BMP2K: variants seen among roughly 807,000 people sequenced by gnomAD.
BMP2K encodes the protein BMP-2-inducible protein kinase.
BMP2K carries 74 observed loss-of-function variants against 116.0 expected under a neutral mutation model. That is an observed-to-expected ratio of 0.64 (90% CI 0.53 to 0.77). The LOEUF is 0.77. BMP2K is among the 30% of genes least tolerant of loss of function. BMP2K has a pLI of 0.00. For missense variants in BMP2K, 1,365 were observed against 1,403.6 expected (o/e 0.97, Z 0.44); for synonymous variants, 486 against 502.5 (o/e 0.97, Z 0.44).
chr4:78,790,403 T>TAGTTAGAA (rs535124908), intron 1 of BMP2K, among the ~76,000 whole-genome samples: 132 of 152,306 alleles, frequency 8.7e-4, no homozygotes, highest in Non-Finnish European at 1.6e-3. Flanking sequence ...ATCCCAGTAA[T>TAGTTAGAA]AGTTAGAAAA....
intron 7 of BMP2K, among the ~76,000 whole-genome samples, chr4:78,855,462 G>A (rs1410176257): frequency 6.6e-6 from 1 of 152,100 alleles, no homozygotes; most frequent in African/African-American, 2.4e-5. Context: ...AGAGATGGTG[G>A]CTTAACTTTA....
At chr4:78,804,094 G>A (rs1005263146) in intron 1 of BMP2K, among the ~76,000 whole-genome samples, 4 of 152,010 alleles carry the variant, frequency 2.6e-5, no homozygotes, top group Non-Finnish European at 4.4e-5. Flanking sequence ...AAAGAAACCC[G>A]GTAGTCATTA....
intron 13 of BMP2K, 65 bp downstream of exon 13, chr4:78,872,863 C>A: frequency 4.7e-6 from 7 of 1,490,612 alleles, no homozygotes; most frequent in South Asian, 1.2e-5. Flanking sequence ...GTTGAATGGT[C>A]GGTCATTAAG....
At chr4:78,789,111 A>T (rs1727883430) in intron 1 of BMP2K, among the ~76,000 whole-genome samples, 1 of 152,058 alleles carries the variant, frequency 6.6e-6, no homozygotes, top group Non-Finnish European at 1.5e-5. Context: ...ATTAACTGTA[A>T]TTGGTATTGT....
chr4:78,776,503 C>T lies in BMP2K; in HGVS notation c.-41C>T, dbSNP rs1486808388. 1.8e-6 allele frequency: 2 copies of T among 1,128,654 alleles called. No homozygotes were observed. The highest frequency in any genetic ancestry group is 9.8e-5 in the Admixed American group (2 of 20,360). 69.9% of individuals were successfully genotyped at this position (1,128,654 alleles called of 1,614,324 possible). On this transcript the variant is annotated 5_prime_UTR_variant, in exon 1 of 16. Transcript: ENST00000502613. ...GCTGCGCGCCGGGCCGGGGACTTGCCCTTGCACGCTCCCTGCGCCCTCCAG... is the reference window on the plus strand; with the variant it reads ...GCTGCGCGCCGGGCCGGGGACTTGCTCTTGCACGCTCCCTGCGCCCTCCAG...
intron 1 of BMP2K, among the ~76,000 whole-genome samples, chr4:78,825,099 G>A (rs1729806670): frequency 2.0e-5 from 3 of 152,208 alleles, no homozygotes; most frequent in Admixed American, 6.5e-5. Flanking sequence ...AGCGACTTGG[G>A]AGGCTGAGGC....
At chr4:78,786,405 A>ATGTGTGTGTGTGTGTGTGTG (rs34288286) in intron 1 of BMP2K, among the ~76,000 whole-genome samples, 19 of 134,386 alleles carry the variant, frequency 1.4e-4, no homozygotes, top group Middle Eastern at 3.6e-3. Flanking sequence ...AAGCCACCCA[A>ATGTGTGTGTGTGTGTGTGTG]TGTGTGTGTG....
chr4:78,804,708 T>C (rs1728735683), intron 1 of BMP2K, among the ~76,000 whole-genome samples: 1 of 152,066 alleles, frequency 6.6e-6, no homozygotes, highest in African/African-American at 2.4e-5. Context: ...CATGTGCTTA[T>C]TGGCCATGTG....
At chr4:78,859,791 CAG>C (rs748588141) in intron 8 of BMP2K, 104 bp downstream of exon 8, 9 of 748,618 alleles carry the variant, frequency 1.2e-5, no homozygotes, top group Non-Finnish European at 1.5e-5. Flanking sequence ...TGCTAAAACT[CAG>C]AGTTTCTTGT....
chr4:78,904,729 T>A (rs1223441317), intron 15 of BMP2K, among the ~76,000 whole-genome samples: 1 of 151,966 alleles, frequency 6.6e-6, no homozygotes, highest in East Asian at 1.9e-4. Flanking sequence ...TTGAGACTTG[T>A]ATTCTGTTCC....
Position 78,912,039 on chromosome 4 carries a change from TCTG to T in BMP2K, c.*7_*9del. On this transcript the variant is annotated 3_prime_UTR_variant, in exon 16 of 16. Transcript: ENST00000502613. The stretch of plus-strand genomic sequence containing the variant: ...CATTTCCTTCTAAACAGTAGATACT[TCTG>T]ATGGATTCTCGGCATTAACTCCTGT... 6.3e-7 allele frequency: 1 copy of T among 1,579,168 alleles called. No homozygotes were observed. Among genetic ancestry groups the T allele is most frequent in the East Asian group, 2.2e-5 (1 of 44,480 alleles).
intron 13 of BMP2K, among the ~76,000 whole-genome samples, chr4:78,873,066 G>A (rs1419065044): frequency 6.6e-6 from 1 of 152,002 alleles, no homozygotes; most frequent in Non-Finnish European, 1.5e-5. Flanking sequence ...TGTATGTAAA[G>A]GCATTTTTGG....
intron 15 of BMP2K, among the ~76,000 whole-genome samples, chr4:78,909,332 A>G (rs571443057): frequency 2.7e-5 from 4 of 150,078 alleles, no homozygotes; most frequent in African/African-American, 4.9e-5. Flanking sequence ...CACCGCACCC[A>G]GCCCCCTTAG....
intron 14 of BMP2K, among the ~76,000 whole-genome samples, chr4:78,880,360 C>A (rs1463495139): frequency 6.6e-6 from 1 of 152,196 alleles, no homozygotes; most frequent in East Asian, 1.9e-4. Flanking sequence ...GCGTGAGCCA[C>A]CATGCCCAGC....
intron 11 of BMP2K, 150 bp downstream of exon 11, chr4:78,871,210 A>T: frequency 1.4e-6 from 2 of 1,404,954 alleles, no homozygotes; most frequent in East Asian, 4.6e-5. Context: ...AAGAATACGT[A>T]TTTAATTTGC....
chr4:78,864,409 C>A (rs927874370), intron 9 of BMP2K, among the ~76,000 whole-genome samples: 2 of 150,732 alleles, frequency 1.3e-5, no homozygotes, highest in African/African-American at 4.9e-5. Context: ...ATATATATAT[C>A]GGTGTATATA....
chr4:78,851,329 C>A (rs138649277), intron 7 of BMP2K, among the ~76,000 whole-genome samples: 3 of 151,906 alleles, frequency 2.0e-5, no homozygotes, highest in Non-Finnish European at 4.4e-5. Context: ...TTCGAGAGGC[C>A]CTCGATTTCA....
intron 15 of BMP2K, among the ~76,000 whole-genome samples, chr4:78,893,039 A>G (rs749628984): frequency 1.8e-4 from 27 of 152,214 alleles, no homozygotes; most frequent in Non-Finnish European, 3.2e-4. Context: ...TGTACATGCA[A>G]TGCTGTTTGA....
At chr4:78,863,430 C>T (rs1177115797) in intron 9 of BMP2K, among the ~76,000 whole-genome samples, 1 of 152,054 alleles carries the variant, frequency 6.6e-6, no homozygotes, top group African/African-American at 2.4e-5. Context: ...CTTAAAAGGT[C>T]GCTCTCATCT....
Sources: gnomAD v4.1 joint callset for allele counts (sites outside exome capture counted in the v4.1 genomes callset) on GRCh38, gnomAD v4.1.1 for gene constraint, MANE v1.5 for transcripts, NCBI Gene and HGNC (gene_info 2026-07-23, HGNC 2026-07-21) for gene names.